Variants in MARCHF3 observed in about 807,000 individuals in gnomAD.
The protein encoded by MARCHF3 is membrane associated ring-CH-type finger 3, also known as E3 ubiquitin-protein ligase MARCHF3.
MARCHF3 carries 13 observed loss-of-function variants against 24.2 expected under a neutral mutation model. That is an observed-to-expected ratio of 0.54 (90% CI 0.35 to 0.85). MARCHF3 has a LOEUF of 0.85. Among genes scored for constraint, MARCHF3 ranks in the 40% least tolerant of loss-of-function variants. The pLI is 0.01. For missense variants in MARCHF3, 276 were observed against 325.0 expected, an observed-to-expected ratio of 0.85 and a Z score of 1.16; for synonymous variants, 144 against 137.3, an observed-to-expected ratio of 1.05 and a Z score of -0.34.
intron 1 of MARCHF3, among the ~76,000 whole-genome samples, chr5:126,930,715 CCTT>C (rs1749454167): frequency 6.6e-6 from 1 of 152,232 alleles, no homozygotes; most frequent in South Asian, 2.1e-4. Flanking sequence ...ATTTCCCCTT[CCTT>C]CTTCTCACTA....
intron 1 of MARCHF3, among the ~76,000 whole-genome samples, chr5:127,001,632 T>C (rs1752129565): frequency 6.6e-6 from 1 of 152,194 alleles, no homozygotes. Flanking sequence ...TGAAATCATA[T>C]ACTTCTTTCC....
intron 1 of MARCHF3, among the ~76,000 whole-genome samples, chr5:127,029,278 C>T (rs1477626471): frequency 1.3e-5 from 2 of 152,182 alleles, no homozygotes; most frequent in Non-Finnish European, 2.9e-5. Flanking sequence ...TCTTCATATA[C>T]ACATACAGAA....
chr5:126,898,685 C>T (rs954481523), intron 3 of MARCHF3, among the ~76,000 whole-genome samples: 4 of 152,012 alleles, frequency 2.6e-5, no homozygotes, highest in Non-Finnish European at 4.4e-5. Context: ...GATGTAAGTC[C>T]TTAAATGCCT....
intron 1 of MARCHF3, 105 bp from the exon 2 acceptor site, chr5:126,918,332 CAG>C (rs1044982497): frequency 1.6e-4 from 115 of 707,792 alleles, no homozygotes; most frequent in African/African-American, 1.0e-3. Flanking sequence ...ATACAAATAA[CAG>C]GGGTAGCCTA....
At chr5:126,933,492 T>C in intron 1 of MARCHF3, among the ~76,000 whole-genome samples, 1 of 151,532 alleles carries the variant, frequency 6.6e-6, no homozygotes, top group East Asian at 1.9e-4. Context: ...TCGCCCAGGC[T>C]GGAATGCAGT....
intron 1 of MARCHF3, among the ~76,000 whole-genome samples, chr5:126,968,354 G>C (rs1409845113): frequency 6.6e-6 from 1 of 152,134 alleles, no homozygotes; most frequent in Non-Finnish European, 1.5e-5. Context: ...ATTTCCATCA[G>C]CAATGTATAA....
In MARCHF3 at chr5:126,870,746, TCCGACGCCAC is replaced by T. The variant is rs1263655860; in HGVS notation, c.639_648del (p.Trp214ProfsTer5). On this transcript the variant is annotated frameshift_variant, in exon 5 of 5. Transcript: ENST00000308660. LOFTEE classifies it high-confidence loss of function. ...ATGAGGAGAATCACCCTCTGATTGG[TCCGACGCCAC>T]TCGTTGTACAATCGACAGTGGTACC... 2 of 1,614,208 alleles carry T rather than the reference TCCGACGCCAC, an allele frequency of 1.2e-6. No homozygotes were observed. The highest frequency in any genetic ancestry group is 3.3e-5 in the Admixed American group (2 of 60,032).
At position 126,873,634 on chromosome 5, in the gene MARCHF3, A is replaced by C. The variant is rs568859634; in HGVS notation, c.604-2843T>G. Among the ~76,000 whole-genome samples, 490 of 152,374 alleles carry C rather than the reference A, an allele frequency of 3.2e-3. 1 individual carries two copies. Among genetic ancestry groups the C allele is most frequent in the Non-Finnish European group, 3.7e-3 (253 of 68,034 alleles). On this transcript the variant is annotated intron_variant, in intron 4 of 4. Coordinates refer to ENST00000308660, the MANE Select transcript of MARCHF3 (RefSeq NM_178450.5). ...CCTGAGACGCACTGCTTCAAGGAAC[A>C]CAGGGAGTCAGCGACTTAGCAGGTC...
At chr5:126,993,867 G>T (rs1751858305) in intron 1 of MARCHF3, among the ~76,000 whole-genome samples, 1 of 152,050 alleles carries the variant, frequency 6.6e-6, no homozygotes, top group African/African-American at 2.4e-5. Context: ...ATATACAATG[G>T]TATAGATTTA....
intron 1 of MARCHF3, among the ~76,000 whole-genome samples, chr5:127,014,995 G>T (rs1366370182): frequency 6.6e-6 from 1 of 152,098 alleles, no homozygotes; most frequent in African/African-American, 2.4e-5. Context: ...CCAACACAAA[G>T]AAATGATAAA....
At chr5:126,874,395 T>C (rs187406898) in intron 4 of MARCHF3, among the ~76,000 whole-genome samples, 114 of 152,260 alleles carry the variant, frequency 7.5e-4, no homozygotes, top group Admixed American at 1.7e-3. Context: ...TGAGACTGCC[T>C]GACCAACATG....
chr5:126,896,244 A>T (rs1373933856), intron 3 of MARCHF3, among the ~76,000 whole-genome samples: 2 of 152,228 alleles, frequency 1.3e-5, no homozygotes, highest in East Asian at 3.9e-4. Context: ...GGTACCTCAG[A>T]TGGAAATGCA....
chr5:126,878,525 A>G (rs774844759), intron 3 of MARCHF3, 131 bp from the exon 4 acceptor site: 4 of 791,128 alleles, frequency 5.1e-6, no homozygotes, highest in Non-Finnish European at 8.0e-6. Context: ...TTGTTATGAG[A>G]TAACAAGGAA....
intron 1 of MARCHF3, among the ~76,000 whole-genome samples, chr5:126,981,147 T>C (rs944794335): frequency 6.6e-6 from 1 of 152,312 alleles, no homozygotes; most frequent in Admixed American, 6.5e-5. Context: ...ACATTACATA[T>C]ACTTCTGATG....
intron 3 of MARCHF3, among the ~76,000 whole-genome samples, chr5:126,897,746 C>A (rs1753971555): frequency 6.6e-6 from 1 of 151,928 alleles, no homozygotes; most frequent in Non-Finnish European, 1.5e-5. Flanking sequence ...CATTAGAGCA[C>A]CCAGAACAGT....
chr5:126,915,194 G>A, intron 2 of MARCHF3, 60 bp from the exon 3 acceptor site: 1 of 1,547,400 alleles, frequency 6.5e-7, no homozygotes, highest in Non-Finnish European at 8.8e-7. Flanking sequence ...CCAAGTGGAT[G>A]GCCCTCTAGC....
chr5:126,991,850 T>G (rs1380330172), intron 1 of MARCHF3, among the ~76,000 whole-genome samples: 1 of 152,206 alleles, frequency 6.6e-6, no homozygotes, highest in East Asian at 1.9e-4. Context: ...ACATCTCGTT[T>G]TGTCAACTCT....
At chr5:127,014,503 GC>G (rs1291384936) in intron 1 of MARCHF3, among the ~76,000 whole-genome samples, 2 of 150,934 alleles carry the variant, frequency 1.3e-5, no homozygotes, top group Non-Finnish European at 3.0e-5. Context: ...GATATCTGCA[GC>G]CCCATGTTTA....
chr5:126,969,765 T>A (rs1750937185), intron 1 of MARCHF3, among the ~76,000 whole-genome samples: 1 of 152,194 alleles, frequency 6.6e-6, no homozygotes, highest in South Asian at 2.1e-4. Context: ...CTGACCCCCA[T>A]CTGCAGAGAT....
Sources: allele counts gnomAD v4.1 joint callset (sites outside exome capture counted in the v4.1 genomes callset), GRCh38; gene constraint gnomAD v4.1.1; transcripts MANE v1.5; gene names NCBI Gene and HGNC (gene_info 2026-07-23, HGNC 2026-07-21).